WDR72: variants seen among roughly 807,000 people sequenced by gnomAD.
WDR72 encodes WD repeat-containing protein 72.
In WDR72, 120 loss-of-function variants were observed where a neutral mutation model predicts 124.2. The ratio of observed to expected loss-of-function variants is 0.97; its 90% confidence interval spans 0.83 to 1.12. The LOEUF is 1.12. Ranked by LOEUF, WDR72 falls within the 50% of genes most tolerant of loss-of-function variation. The pLI, the probability that WDR72 is intolerant of heterozygous loss-of-function variation, is 0.00. For missense variants in WDR72, 1,387 were observed against 1,278.8 expected, an observed-to-expected ratio of 1.08 and a Z score of -1.29; for synonymous variants, 452 against 441.7, an observed-to-expected ratio of 1.02 and a Z score of -0.29.
chr15:53,734,801 T>C (rs1315526661), intron 1 of WDR72, among the ~76,000 whole-genome samples: 2 of 34,266 alleles, frequency 5.8e-5, no homozygotes, highest in African/African-American at 1.2e-4. Flanking sequence ...TACAAATGGG[T>C]TGGGACTAAA....
intron 13 of WDR72, 117 bp from the exon 14 acceptor site, chr15:53,665,885 A>G (rs2015762442): frequency 1.0e-6 from 1 of 984,938 alleles, no homozygotes. Context: ...GTGCCTTAGT[A>G]TCTTGCAACT....
At chr15:53,708,385 G>A (rs555756536) in intron 9 of WDR72, among the ~76,000 whole-genome samples, 15 of 152,248 alleles carry the variant, frequency 9.9e-5, no homozygotes, top group Admixed American at 9.2e-4. Context: ...AAAAGCACCC[G>A]CTATATGGGA....
At chr15:53,565,879 G>C (rs966978748) in intron 18 of WDR72, among the ~76,000 whole-genome samples, 1 of 151,924 alleles carries the variant, frequency 6.6e-6, no homozygotes, top group Non-Finnish European at 1.5e-5. Context: ...CATTTGCAAA[G>C]CATAAGCATG....
At chr15:53,719,357 T>C (rs1044768126) in intron 3 of WDR72, among the ~76,000 whole-genome samples, 4 of 152,212 alleles carry the variant, frequency 2.6e-5, no homozygotes, top group Admixed American at 2.6e-4. Context: ...TCTTATACTT[T>C]CTTACATCCT....
chr15:53,571,385 C>A (rs1476931512), intron 18 of WDR72, among the ~76,000 whole-genome samples: 4 of 152,016 alleles, frequency 2.6e-5, no homozygotes, highest in Admixed American at 6.6e-5. Flanking sequence ...CAACCCCTGC[C>A]TCCAGCTCCT....
At chr15:53,714,928 G>A (rs2140557856) in intron 5 of WDR72, among the ~76,000 whole-genome samples, 1 of 152,202 alleles carries the variant, frequency 6.6e-6, no homozygotes, top group South Asian at 2.1e-4. Flanking sequence ...CTCTTAAAAT[G>A]TAACAAGCAG....
intron 14 of WDR72, among the ~76,000 whole-genome samples, chr15:53,616,537 C>G (rs1595796472): frequency 6.6e-6 from 1 of 151,756 alleles, no homozygotes; most frequent in South Asian, 2.1e-4. Context: ...AATATAGACT[C>G]TCATATCTTT....
At chr15:53,635,475 T>C (rs1011033192) in intron 14 of WDR72, among the ~76,000 whole-genome samples, 2 of 152,186 alleles carry the variant, frequency 1.3e-5, no homozygotes, top group African/African-American at 2.4e-5. Flanking sequence ...CCTATTCTCC[T>C]TGGGTGGGAG....
chr15:53,727,344 G>A (rs28462320), intron 2 of WDR72, among the ~76,000 whole-genome samples: 9 of 151,478 alleles, frequency 5.9e-5, no homozygotes, highest in South Asian at 2.1e-4. Context: ...TGAACTATAC[G>A]AACATATGTA....
At chr15:53,552,829 G>T (rs1198067369) in intron 18 of WDR72, among the ~76,000 whole-genome samples, 1 of 152,046 alleles carries the variant, frequency 6.6e-6, no homozygotes, top group East Asian at 1.9e-4. Context: ...AATGCCATTT[G>T]ATTTCATCCC....
intron 3 of WDR72, among the ~76,000 whole-genome samples, chr15:53,717,586 C>G (rs1289927926): frequency 6.6e-6 from 1 of 152,032 alleles, no homozygotes; most frequent in Non-Finnish European, 1.5e-5. Context: ...TTTTGCTACC[C>G]CTTATTCCCC....
chr15:53,592,300 C>A (rs889633209), intron 18 of WDR72, among the ~76,000 whole-genome samples: 3 of 151,994 alleles, frequency 2.0e-5, no homozygotes, highest in Non-Finnish European at 2.9e-5. Context: ...TCCTGGAGAT[C>A]TTAGAGTAAA....
chr15:53,707,707 A>C (rs895786079), intron 9 of WDR72, among the ~76,000 whole-genome samples: 1 of 152,248 alleles, frequency 6.6e-6, no homozygotes, highest in South Asian at 2.1e-4. Flanking sequence ...CGGCCTCCCA[A>C]AGTGCTGGGA....
chr15:53,693,359 A>G (rs1024677054), intron 13 of WDR72, among the ~76,000 whole-genome samples: 3 of 144,412 alleles, frequency 2.1e-5, no homozygotes, highest in Non-Finnish European at 4.5e-5. Flanking sequence ...ATTCTAGTCT[A>G]TTGAGGCAAA....
At chr15:53,728,712 A>G (rs912337450) in intron 2 of WDR72, among the ~76,000 whole-genome samples, 1 of 152,234 alleles carries the variant, frequency 6.6e-6, no homozygotes, top group African/African-American at 2.4e-5. Flanking sequence ...TGCTTTTAAG[A>G]AAACAAGCAA....
At chr15:53,758,118 C>T (rs1245862613) in intron 1 of WDR72, among the ~76,000 whole-genome samples, 1 of 152,056 alleles carries the variant, frequency 6.6e-6, no homozygotes, top group South Asian at 2.1e-4. Flanking sequence ...TCATCCAACT[C>T]CCTCAGGCTT....
chr15:53,583,352 A>G (rs1004751246), intron 18 of WDR72, among the ~76,000 whole-genome samples: 2 of 152,076 alleles, frequency 1.3e-5, no homozygotes, highest in African/African-American at 4.8e-5. Flanking sequence ...TTTAGTATCT[A>G]AAAATAGTGG....
intron 14 of WDR72, among the ~76,000 whole-genome samples, chr15:53,640,787 T>A (rs2014817996): frequency 1.3e-5 from 2 of 152,032 alleles, no homozygotes; most frequent in African/African-American, 4.8e-5. Flanking sequence ...GCTTAAAGAC[T>A]AGTTGTATTT....
chr15:53,517,786 G>A (rs1474521689), intron 19 of WDR72, 32 bp from the exon 20 acceptor site: 2 of 1,607,442 alleles, frequency 1.2e-6, no homozygotes, highest in African/African-American at 2.7e-5. Context: ...TGGGTTATAT[G>A]GTGAAATCTA....
Sources: gnomAD v4.1 joint callset for allele counts (sites outside exome capture counted in the v4.1 genomes callset) on GRCh38, gnomAD v4.1.1 for gene constraint, MANE v1.5 for transcripts, NCBI Gene and HGNC (gene_info 2026-07-23, HGNC 2026-07-21) for gene names.